Variants in ZSCAN4 observed in about 807,000 individuals in gnomAD.
ZSCAN4 encodes zinc finger and SCAN domain containing 4.
A neutral mutation model predicts 18.3 loss-of-function variants in ZSCAN4; 18 were observed. The ratio of observed to expected loss-of-function variants is 0.98; its 90% confidence interval spans 0.68 to 1.46. ZSCAN4 has a LOEUF of 1.46. Ranked by LOEUF, ZSCAN4 falls within the 40% of genes most tolerant of loss-of-function variation. The probability of loss-of-function intolerance (pLI) is 0.00; values close to 1 mark genes in which losing one functional copy is unlikely to be tolerated. For synonymous variants in ZSCAN4, 193 were observed against 180.3 expected (o/e 1.07, Z -0.57); for missense variants, 498 against 511.4 (o/e 0.97, Z 0.25).
chr19:57,677,520 A>G (rs1307400495), intron 3 of ZSCAN4, among the ~76,000 whole-genome samples: 1 of 152,182 alleles, frequency 6.6e-6, no homozygotes, highest in African/African-American at 2.4e-5. Context: ...GAAAGTTGCT[A>G]TGTATTATGG....
rs768950167 is a variant in ZSCAN4, at chr19:57,677,963, C to A, written c.446C>A (p.Pro149His). 1.9e-6 allele frequency: 3 copies of A among 1,593,666 alleles called. No homozygotes were observed. The South Asian group carries it at 3.5e-5, about 18-fold the overall frequency. The stretch of plus-strand genomic sequence containing the variant: ...GAAGCTCTCTTTTCTGAGGATATGC[C>A]CTTAAGAGATGTCATTGTTCATCTC... The change falls in exon 4 of 5, where the codon CCC (proline) becomes CAC (histidine). Residue 149 changes from proline to histidine, a missense_variant. Coordinates refer to ENST00000318203, the Ensembl canonical transcript of ZSCAN4.
the ZSCAN4 span, among the ~76,000 whole-genome samples, chr19:57,657,847 A>G: frequency 6.6e-6 from 1 of 152,206 alleles, no homozygotes; most frequent in Non-Finnish European, 1.5e-5. Flanking sequence ...TGCTGTTTAA[A>G]TAGTTGCTAT....
chr19:57,655,577 C>T, the ZSCAN4 span, among the ~76,000 whole-genome samples: 2 of 152,248 alleles, frequency 1.3e-5, no homozygotes, highest in East Asian at 3.9e-4. Context: ...AATACATTAC[C>T]ATTGCACCTT....
chr19:57,668,044 G>A (rs1267846741), upstream of ZSCAN4, among the ~76,000 whole-genome samples: 1 of 152,000 alleles, frequency 6.6e-6, no homozygotes, highest in Non-Finnish European at 1.5e-5. Context: ...TGGGATTACA[G>A]GTGCCTGCCA....
the ZSCAN4 span, among the ~76,000 whole-genome samples, chr19:57,655,047 C>T: frequency 1.3e-5 from 2 of 152,342 alleles, no homozygotes; most frequent in African/African-American, 4.8e-5. Flanking sequence ...TTAGGTCTCA[C>T]TCACAAAGGC....
At chr19:57,653,410 A>T in the ZSCAN4 span, among the ~76,000 whole-genome samples, 1 of 151,126 alleles carries the variant, frequency 6.6e-6, no homozygotes. Context: ...AAAAAAAAGG[A>T]AAGAAAATCC....
intron 2 of ZSCAN4, 137 bp from the exon 3 acceptor site, chr19:57,675,904 C>T: frequency 2.5e-6 from 1 of 405,116 alleles, no homozygotes; most frequent in Non-Finnish European, 4.4e-6. Flanking sequence ...CTCTTATATG[C>T]TCTGGGAGAG....
At chr19:57,663,033 A>G in the ZSCAN4 span, among the ~76,000 whole-genome samples, 1 of 145,064 alleles carries the variant, frequency 6.9e-6, no homozygotes. Flanking sequence ...CCCACCCCCA[A>G]TAGCTGGAAC....
the ZSCAN4 span, among the ~76,000 whole-genome samples, chr19:57,651,954 C>T: frequency 6.6e-6 from 1 of 152,116 alleles, no homozygotes; most frequent in East Asian, 1.9e-4. Context: ...TGAGAGAACT[C>T]CCCAGTCACC....
chr19:57,670,597 G>A (rs1003497601), intron 2 of ZSCAN4, 30 bp downstream of exon 2: 2 of 152,244 alleles, frequency 1.3e-5, no homozygotes, highest in African/African-American at 4.8e-5. Flanking sequence ...GGAAAATTTT[G>A]TGCCTTTGAG....
chr19:57,659,378 C>G, the ZSCAN4 span, among the ~76,000 whole-genome samples: 4 of 150,602 alleles, frequency 2.7e-5, no homozygotes, highest in Non-Finnish European at 5.9e-5. Context: ...ACCTGACCCA[C>G]AAAAAATATG....
exon 5 of ZSCAN4, chr19:57,678,961 T>C: frequency 6.8e-7 from 1 of 1,478,706 alleles, no homozygotes; most frequent in Non-Finnish European, 9.0e-7. Context: ...ATTCCTATAG[T>C]ATTTATCTAC....
At chr19:57,676,888 C>T (rs1001326834) in intron 3 of ZSCAN4, among the ~76,000 whole-genome samples, 4 of 152,190 alleles carry the variant, frequency 2.6e-5, no homozygotes, top group Non-Finnish European at 4.4e-5. Flanking sequence ...AAGTCATTCT[C>T]GTGGCTCAGC....
the ZSCAN4 span, among the ~76,000 whole-genome samples, chr19:57,658,993 G>T: frequency 6.6e-6 from 1 of 152,100 alleles, no homozygotes; most frequent in Non-Finnish European, 1.5e-5. Context: ...AAGGAGGATG[G>T]TCACTGTCTG....
upstream of ZSCAN4, among the ~76,000 whole-genome samples, chr19:57,666,728 C>A (rs1430295224): frequency 6.6e-6 from 1 of 152,030 alleles, no homozygotes; most frequent in East Asian, 1.9e-4. Context: ...TACTAAAATA[C>A]AAAAATTAGC....
At chr19:57,658,399 G>A in the ZSCAN4 span, among the ~76,000 whole-genome samples, 14 of 152,226 alleles carry the variant, frequency 9.2e-5, no homozygotes, top group African/African-American at 2.9e-4. Context: ...GATTGTGGTA[G>A]TGGTTACATG....
At chr19:57,651,707 A>G in the ZSCAN4 span, among the ~76,000 whole-genome samples, 1 of 152,184 alleles carries the variant, frequency 6.6e-6, no homozygotes, top group East Asian at 1.9e-4. Flanking sequence ...CAACCTGGGA[A>G]GCAGTGAGCA....
At chr19:57,658,025 A>T in the ZSCAN4 span, among the ~76,000 whole-genome samples, 3 of 152,212 alleles carry the variant, frequency 2.0e-5, no homozygotes, top group African/African-American at 7.2e-5. Flanking sequence ...TGCAGAACCC[A>T]TGGATATAGA....
the ZSCAN4 span, among the ~76,000 whole-genome samples, chr19:57,652,649 C>T: frequency 1.3e-5 from 2 of 152,098 alleles, no homozygotes; most frequent in Non-Finnish European, 2.9e-5. Flanking sequence ...CCTTCTTTCT[C>T]CACTGCATAC....
Sources: allele counts gnomAD v4.1 joint callset (sites outside exome capture counted in the v4.1 genomes callset), GRCh38; gene constraint gnomAD v4.1.1; transcripts MANE v1.5; gene names NCBI Gene and HGNC (gene_info 2026-07-23, HGNC 2026-07-21).